CDH8: variants seen among roughly 807,000 people sequenced by gnomAD.
The protein encoded by CDH8 is cadherin-8.
Under a neutral mutation model 68.1 loss-of-function variants are expected in CDH8, and 17 were observed. The ratio of observed to expected loss-of-function variants is 0.25; its 90% CI spans 0.17 to 0.37. The LOEUF (loss-of-function observed/expected upper bound fraction) is 0.37, where lower values mean the gene tolerates loss of function less well. CDH8 is among the 10% of genes least tolerant of loss of function. The pLI, the probability that CDH8 is intolerant of heterozygous loss-of-function variation, is 1.00. For synonymous variants in CDH8, 372 were observed against 365.1 expected (o/e 1.02, Z -0.21); for missense variants, 763 against 999.3 (o/e 0.76, Z 3.19).
chr16:61,715,893 G>T (rs575582205), intron 9 of CDH8, among the ~76,000 whole-genome samples: 3 of 151,738 alleles, frequency 2.0e-5, no homozygotes, highest in African/African-American at 7.2e-5. Flanking sequence ...AGCTGTGCTG[G>T]ATTTTCATGT....
At chr16:61,857,058 A>G (rs1963060248) in intron 4 of CDH8, 61 bp downstream of exon 4, 4 of 1,596,700 alleles carry the variant, frequency 2.5e-6, no homozygotes, top group Admixed American at 3.4e-5. Flanking sequence ...CCAAATCCCA[A>G]GAAAAGCATT....
intron 1 of CDH8, among the ~76,000 whole-genome samples, chr16:62,023,284 A>T (rs1000077157): frequency 6.6e-6 from 1 of 152,122 alleles, no homozygotes; most frequent in Non-Finnish European, 1.5e-5. Flanking sequence ...CCGAGCGAGA[A>T]GTTGGTGATA....
At chr16:61,697,520 G>T (rs891780357) in intron 10 of CDH8, among the ~76,000 whole-genome samples, 2 of 149,968 alleles carry the variant, frequency 1.3e-5, no homozygotes, top group African/African-American at 4.9e-5. Context: ...TTGAGACAGA[G>T]TCCTGCCCTA....
At chr16:61,729,253 A>G (rs1426330458) in intron 8 of CDH8, among the ~76,000 whole-genome samples, 2 of 150,182 alleles carry the variant, frequency 1.3e-5, no homozygotes, top group African/African-American at 4.9e-5. Flanking sequence ...TATAATACTG[A>G]TGAAGTCCAA....
chr16:61,737,517 A>T (rs1959730011), intron 8 of CDH8, among the ~76,000 whole-genome samples: 1 of 152,168 alleles, frequency 6.6e-6, no homozygotes, highest in East Asian at 1.9e-4. Context: ...AAGATATTGG[A>T]AATAATGTCA....
At chr16:61,948,530 G>C (rs1964836666) in intron 2 of CDH8, among the ~76,000 whole-genome samples, 1 of 152,098 alleles carries the variant, frequency 6.6e-6, no homozygotes. Flanking sequence ...CTACTCAAAG[G>C]TTAACTGTGA....
chr16:61,727,198 A>G lies in CDH8; in HGVS notation c.1432T>C (p.Ser478Pro). 1 of 1,608,692 alleles carries G rather than the reference A, an allele frequency of 6.2e-7. No individual in the cohort carries two copies. The highest frequency in any genetic ancestry group is 8.5e-7 in the Non-Finnish European group (1 of 1,176,544). The change falls in exon 9 of 12, where the codon TCA becomes CCA. Residue 478 changes from serine to proline, a missense_variant. Around this residue, in one of 2 missense-constraint regions of CDH8, gnomAD observed 397 missense variants for 436.2 expected, o/e 0.91. Transcript: ENST00000577390. ...ACTTTAATAGCAACAGGTACTCGTG[A>G]TATCTGACTGTGGTTCCCTATGGGA... ...ATEIRNHSQISRVPVAIKVLD... is the reference protein window; with the variant it reads ...ATEIRNHSQIPRVPVAIKVLD...
At chr16:61,683,643 G>A (rs139720820) in intron 10 of CDH8, among the ~76,000 whole-genome samples, 3,373 of 152,042 alleles carry the variant, frequency 0.022, 68 homozygotes, top group Non-Finnish European at 0.033. Flanking sequence ...TGGAGGGGCT[G>A]ACCCTAGATG....
intron 3 of CDH8, among the ~76,000 whole-genome samples, chr16:61,880,781 T>TGAATCAATAACATTCAGCAAGAGG (rs1963559813): frequency 6.6e-6 from 1 of 152,166 alleles, no homozygotes; most frequent in East Asian, 1.9e-4. Context: ...TGACATGCTT[T>TGAATCAATAACATTCAGCAAGAGG]GAATCAATAA....
intron 2 of CDH8, among the ~76,000 whole-genome samples, chr16:61,980,348 A>G (rs1292534345): frequency 6.6e-6 from 1 of 152,194 alleles, no homozygotes; most frequent in Non-Finnish European, 1.5e-5. Context: ...TATTGACGTC[A>G]TATCTTCCTT....
At chr16:61,937,088 G>A (rs113937304) in intron 2 of CDH8, among the ~76,000 whole-genome samples, 21 of 152,132 alleles carry the variant, frequency 1.4e-4, no homozygotes, top group African/African-American at 4.8e-4. Context: ...TTTCAGGATT[G>A]AAATAAACAA....
chr16:61,970,165 T>A (rs1041005162), intron 2 of CDH8, among the ~76,000 whole-genome samples: 1 of 152,232 alleles, frequency 6.6e-6, no homozygotes, highest in African/African-American at 2.4e-5. Flanking sequence ...ATAATCCATG[T>A]ACTCTGCATT....
intron 10 of CDH8, among the ~76,000 whole-genome samples, chr16:61,670,336 T>C (rs755216757): frequency 2.0e-5 from 3 of 152,038 alleles, no homozygotes; most frequent in Non-Finnish European, 2.9e-5. Context: ...AAAGTAGATA[T>C]AATGGTGCTG....
At chr16:61,770,800 T>C (rs2142985351) in intron 8 of CDH8, among the ~76,000 whole-genome samples, 1 of 152,052 alleles carries the variant, frequency 6.6e-6, no homozygotes, top group East Asian at 1.9e-4. Context: ...AGTTGCCCTC[T>C]CCACTACAGA....
At chr16:61,921,750 G>T (rs1187488981) in intron 2 of CDH8, among the ~76,000 whole-genome samples, 1 of 152,272 alleles carries the variant, frequency 6.6e-6, no homozygotes, top group Non-Finnish European at 1.5e-5. Context: ...GAGGTCATGG[G>T]GGCCAGCTGC....
chr16:61,811,091 T>C, intron 7 of CDH8, among the ~76,000 whole-genome samples: 1 of 151,816 alleles, frequency 6.6e-6, no homozygotes, highest in East Asian at 1.9e-4. Context: ...TCTGGGGATA[T>C]TCAGCCAACC....
intron 2 of CDH8, among the ~76,000 whole-genome samples, chr16:61,905,911 G>GA (rs137985225): frequency 1.0e-4 from 15 of 145,092 alleles, no homozygotes; most frequent in Admixed American, 5.5e-4. Context: ...AAAGAAAAAA[G>GA]AAAAAAAAAA....
At chr16:61,654,977 T>C (rs1486161348) in intron 11 of CDH8, among the ~76,000 whole-genome samples, 1 of 152,224 alleles carries the variant, frequency 6.6e-6, no homozygotes, top group Non-Finnish European at 1.5e-5. Flanking sequence ...TGAAGGAAAA[T>C]ATCAGAGAAA....
At chr16:61,913,970 A>C (rs892275265) in intron 2 of CDH8, among the ~76,000 whole-genome samples, 1 of 152,202 alleles carries the variant, frequency 6.6e-6, no homozygotes, top group Non-Finnish European at 1.5e-5. Context: ...GGATTTGGAG[A>C]CAAGACCTTT....
Sources: gnomAD v4.1 joint callset for allele counts (sites outside exome capture counted in the v4.1 genomes callset) on GRCh38, gnomAD v4.1.1 for gene constraint, gnomAD v4.1.1 regional missense constraint, MANE v1.5 for transcripts, NCBI Gene and HGNC (gene_info 2026-07-23, HGNC 2026-07-21) for gene names.